PTPN14: variants seen among roughly 807,000 people sequenced by gnomAD.
PTPN14 encodes the protein protein tyrosine phosphatase non-receptor type 14, also known as tyrosine-protein phosphatase non-receptor type 14.
A neutral mutation model predicts 126.8 loss-of-function variants in PTPN14; 53 were observed. That is an observed-to-expected ratio of 0.42 (90% confidence interval 0.34 to 0.53). The LOEUF is 0.53. Among genes scored for constraint, PTPN14 ranks in the 20% least tolerant of loss-of-function variants. PTPN14 has a pLI of 0.08. For synonymous variants in PTPN14, 630 were observed against 599.3 expected (o/e 1.05, Z -0.75); for missense variants, 1,257 against 1,552.9 (o/e 0.81, Z 3.20).
intron 1 of PTPN14, among the ~76,000 whole-genome samples, chr1:214,517,241 T>C (rs17023147): frequency 0.024 from 3,722 of 152,246 alleles, 172 homozygotes; most frequent in African/African-American, 0.086. Flanking sequence ...CAGTGTACTA[T>C]AAAATTTCCA....
At chr1:214,405,657 T>G (rs570175067) in intron 5 of PTPN14, among the ~76,000 whole-genome samples, 2 of 151,092 alleles carry the variant, frequency 1.3e-5, no homozygotes, top group African/African-American at 4.9e-5. Context: ...AACACACTCT[T>G]CAACGGTCTT....
rs1553258555 is a variant in PTPN14 at position 214,364,806 on chromosome 1, T to TGTGTGTGTGTGTGTGTG, written c.3272-132_3272-131insCACACACACACACACAC. The TGTGTGTGTGTGTGTGTG allele has an allele frequency of 1.1e-4, 93 of 859,034 alleles. 1 individual carries two copies. The highest frequency in any genetic ancestry group is 3.0e-4 in the African/African-American group (17 of 57,284). 53.2% of individuals were successfully genotyped at this position (859,034 alleles called of 1,614,324 possible). On this transcript the variant is annotated intron_variant, in intron 17 of 18. Coordinates refer to ENST00000366956, the MANE Select transcript of PTPN14 (RefSeq NM_005401.5). The surrounding 1 kb of genome is among the most constrained non-coding windows in gnomAD (Gnocchi z 4.1). ...GTGTGTGTGTGTGTGTGTGTGTGTG[T>TGTGTGTGTGTGTGTGTG]TTTAAGTGACAATAATTTATAGTTC...
At chr1:214,391,821 T>C (rs974553013) in intron 10 of PTPN14, among the ~76,000 whole-genome samples, 1 of 152,116 alleles carries the variant, frequency 6.6e-6, no homozygotes, top group Non-Finnish European at 1.5e-5. Flanking sequence ...TGATAAAATA[T>C]CTTTTATGAA....
chr1:214,422,623 T>C (rs1339544611), intron 3 of PTPN14, among the ~76,000 whole-genome samples: 1 of 152,198 alleles, frequency 6.6e-6, no homozygotes, highest in Non-Finnish European at 1.5e-5. Context: ...GTCTTCCTGG[T>C]AAACGGCCAC....
intron 1 of PTPN14, among the ~76,000 whole-genome samples, chr1:214,482,244 C>T (rs144199090): frequency 1.4e-5 from 2 of 141,672 alleles, no homozygotes; most frequent in African/African-American, 5.0e-5. Flanking sequence ...CTTTTATTTA[C>T]TTTGTTGAGT....
intron 1 of PTPN14, among the ~76,000 whole-genome samples, chr1:214,547,975 G>A (rs1430788874): frequency 6.6e-6 from 1 of 151,620 alleles, no homozygotes; most frequent in Non-Finnish European, 1.5e-5. Flanking sequence ...AATTCAGGCT[G>A]CTGAAAAAAA....
At chr1:214,366,982 TCA>T (rs1491366320) in intron 17 of PTPN14, among the ~76,000 whole-genome samples, 3 of 48,496 alleles carry the variant, frequency 6.2e-5, no homozygotes, top group African/African-American at 1.4e-4. Flanking sequence ...AGACTCCATC[TCA>T]AAAAAAAAAA....
intron 9 of PTPN14, among the ~76,000 whole-genome samples, chr1:214,394,608 A>C (rs1658835294): frequency 6.6e-6 from 1 of 152,136 alleles, no homozygotes; most frequent in Non-Finnish European, 1.5e-5. Context: ...GGGTTTCGCC[A>C]TATTGGCCAG....
At chr1:214,479,755 C>T (rs1224812271) in intron 1 of PTPN14, among the ~76,000 whole-genome samples, 1 of 151,914 alleles carries the variant, frequency 6.6e-6, no homozygotes, top group African/African-American at 2.4e-5. Context: ...TCTATTTTAC[C>T]TAAATATTTT....
chr1:214,535,552 C>G (rs1458964893), intron 1 of PTPN14, among the ~76,000 whole-genome samples: 1 of 152,074 alleles, frequency 6.6e-6, no homozygotes, highest in Non-Finnish European at 1.5e-5. Context: ...CTGAGGAGGG[C>G]AGATCACCTG....
At chr1:214,405,908 A>G (rs1185992654) in intron 5 of PTPN14, among the ~76,000 whole-genome samples, 1 of 152,212 alleles carries the variant, frequency 6.6e-6, no homozygotes, top group East Asian at 1.9e-4. Context: ...CATATAGCCA[A>G]TAAGAGGCAC....
At chr1:214,396,252 ACTTAGCATGTTTACTCTCTATGT>A (rs1558084336) in intron 8 of PTPN14, among the ~76,000 whole-genome samples, 1 of 152,200 alleles carries the variant, frequency 6.6e-6, no homozygotes, top group Non-Finnish European at 1.5e-5. Flanking sequence ...TAAGTACCTG[ACTTAGCATGTTTACTCTCTATGT>A]CAAGGATGGA....
intron 8 of PTPN14, among the ~76,000 whole-genome samples, chr1:214,395,975 C>A (rs1422167057): frequency 6.6e-6 from 1 of 152,064 alleles, no homozygotes; most frequent in Non-Finnish European, 1.5e-5. Context: ...CACCACATTG[C>A]ATTATAATTT....
At chr1:214,491,395 T>C (rs918427664) in intron 1 of PTPN14, among the ~76,000 whole-genome samples, 1 of 152,210 alleles carries the variant, frequency 6.6e-6, no homozygotes, top group African/African-American at 2.4e-5. Context: ...CCAACCTTTT[T>C]GACACTAGGG....
chr1:214,546,524 A>C (rs1655973019), intron 1 of PTPN14, among the ~76,000 whole-genome samples: 1 of 152,250 alleles, frequency 6.6e-6, no homozygotes, highest in African/African-American at 2.4e-5. Context: ...AGATCAAGTC[A>C]GTGGCCCACA....
intron 1 of PTPN14, among the ~76,000 whole-genome samples, chr1:214,486,971 T>G (rs1345989640): frequency 1.3e-5 from 2 of 152,170 alleles, no homozygotes; most frequent in African/African-American, 2.4e-5. Context: ...TTATGCGCTT[T>G]GATCAGATCC....
At chr1:214,532,628 G>C (rs1655583026) in intron 1 of PTPN14, 8 of 894,250 alleles carry the variant, frequency 8.9e-6, no homozygotes, top group Non-Finnish European at 1.3e-5. Context: ...GACAATGCCT[G>C]CATCGTTCTG....
At chr1:214,515,090 G>A (rs964689221) in intron 1 of PTPN14, among the ~76,000 whole-genome samples, 2 of 152,150 alleles carry the variant, frequency 1.3e-5, no homozygotes, top group African/African-American at 2.4e-5. Context: ...AATGGCAACA[G>A]AGCCCAGGGA....
intron 17 of PTPN14, among the ~76,000 whole-genome samples, chr1:214,366,850 G>C (rs575546888): frequency 6.6e-6 from 1 of 152,142 alleles, no homozygotes; most frequent in Admixed American, 6.5e-5. Flanking sequence ...AGGCGTGGTG[G>C]TGGGCGCCTG....
Sources: allele counts gnomAD v4.1 joint callset (sites outside exome capture counted in the v4.1 genomes callset), GRCh38; gene constraint gnomAD v4.1.1; non-coding constraint Gnocchi (gnomAD v3.1); transcripts MANE v1.5; gene names NCBI Gene and HGNC (gene_info 2026-07-23, HGNC 2026-07-21).